The following MAP3K20 variants were observed in gnomAD, a reference collection of about 807,000 sequenced individuals.
The protein encoded by MAP3K20 is mitogen-activated protein kinase kinase kinase 20.
In MAP3K20, 40 loss-of-function variants were observed where a neutral mutation model predicts 85.7. That is an observed-to-expected ratio of 0.47 (90% CI 0.36 to 0.61). The LOEUF is 0.61. MAP3K20 is among the 20% of genes least tolerant of loss of function. The pLI is 0.00. For missense variants in MAP3K20, 817 were observed against 961.7 expected (o/e 0.85, Z 1.99); for synonymous variants, 325 against 327.7 (o/e 0.99, Z 0.09).
intron 16 of MAP3K20, among the ~76,000 whole-genome samples, chr2:173,246,153 A>G (rs911657833): frequency 6.6e-6 from 1 of 152,178 alleles, no homozygotes; most frequent in African/African-American, 2.4e-5. Context: ...CCTCTTCATG[A>G]GGAAACTGAG....
rs530454211 is a variant in MAP3K20, at chr2:173,253,815, C to G, written c.1360-4884C>G. On this transcript the variant is annotated intron_variant, in intron 16 of 19. Coordinates refer to ENST00000375213, the MANE Select transcript of MAP3K20 (RefSeq NM_016653.3). Reference sequence around the variant, plus strand: ...AGGTGCAGTTGCTCATGCCTATAATCCCAGCAATTTGTGAGGCTGAGGCAG... The same window carrying G: ...AGGTGCAGTTGCTCATGCCTATAATGCCAGCAATTTGTGAGGCTGAGGCAG... Among the ~76,000 whole-genome samples, 17 of 152,268 alleles carry G rather than the reference C, an allele frequency of 1.1e-4. No homozygotes were observed. In the South Asian group the frequency reaches 3.5e-3, roughly 32 times the overall value.
At chr2:173,257,035 G>A (rs993390525) in intron 16 of MAP3K20, among the ~76,000 whole-genome samples, 59 of 150,962 alleles carry the variant, frequency 3.9e-4, no homozygotes, top group African/African-American at 1.4e-3. Context: ...ATGATGGCAC[G>A]TGCTTGTGGT....
At chr2:173,157,583 A>G (rs1385251476) in intron 2 of MAP3K20, among the ~76,000 whole-genome samples, 1 of 152,216 alleles carries the variant, frequency 6.6e-6, no homozygotes, top group Non-Finnish European at 1.5e-5. Context: ...CATTTCTCTT[A>G]TGGGATGTAA....
At chr2:173,094,129 TA>T (rs1268383160) in intron 2 of MAP3K20, among the ~76,000 whole-genome samples, 1 of 152,208 alleles carries the variant, frequency 6.6e-6, no homozygotes, top group African/African-American at 2.4e-5. Flanking sequence ...CCCTAAAACT[TA>T]AAGTATAATA....
chr2:173,084,143 A>G (rs1161299529), intron 1 of MAP3K20, among the ~76,000 whole-genome samples: 1 of 152,158 alleles, frequency 6.6e-6, no homozygotes, highest in East Asian at 1.9e-4. Context: ...AGCTGAGCTC[A>G]AGTGATCCTC....
intron 11 of MAP3K20, chr2:173,226,927 A>C: frequency 1.0e-6 from 1 of 985,212 alleles, no homozygotes. Flanking sequence ...TCCTATGCCA[A>C]ATATCTTGTA....
At chr2:173,262,020 GAAAA>G (rs34274087) in intron 18 of MAP3K20, among the ~76,000 whole-genome samples, 6 of 138,924 alleles carry the variant, frequency 4.3e-5, no homozygotes, top group African/African-American at 1.6e-4. Flanking sequence ...CCTGTCTCCA[GAAAA>G]AAAAAAAAAT....
chr2:173,258,677 G>A, intron 16 of MAP3K20, 22 bp from the exon 17 acceptor site: 1 of 1,444,326 alleles, frequency 6.9e-7, no homozygotes, highest in Non-Finnish European at 9.6e-7. Context: ...CTCAAATTCT[G>A]TAATTTTGTT....
At chr2:173,181,195 T>C (rs1335690536) in intron 3 of MAP3K20, among the ~76,000 whole-genome samples, 2 of 152,168 alleles carry the variant, frequency 1.3e-5, no homozygotes, top group Non-Finnish European at 2.9e-5. Context: ...ACTAGTGTTA[T>C]ACCCGCTACA....
At chr2:173,139,093 C>A (rs1243901556) in intron 2 of MAP3K20, among the ~76,000 whole-genome samples, 3 of 152,086 alleles carry the variant, frequency 2.0e-5, no homozygotes, top group Non-Finnish European at 4.4e-5. Context: ...CAGTGCTTTG[C>A]CATTTGTAAA....
intron 2 of MAP3K20, among the ~76,000 whole-genome samples, chr2:173,144,197 C>T (rs568409509): frequency 3.0e-4 from 46 of 151,842 alleles, no homozygotes; most frequent in South Asian, 8.3e-4. Context: ...GGTGTGGTGG[C>T]TCACGCCTGT....
chr2:173,251,625 C>T (rs1574158623), intron 16 of MAP3K20, among the ~76,000 whole-genome samples: 1 of 152,318 alleles, frequency 6.6e-6, no homozygotes, highest in East Asian at 1.9e-4. Context: ...GAAGCTGGAA[C>T]AGTGTCCTGG....
chr2:173,139,048 C>G (rs954139085), intron 2 of MAP3K20, among the ~76,000 whole-genome samples: 1 of 152,180 alleles, frequency 6.6e-6, no homozygotes, highest in Non-Finnish European at 1.5e-5. Context: ...AACGTTTGAA[C>G]TTGGTATCCT....
intron 1 of MAP3K20, chr2:173,090,708 C>T: frequency 4.9e-6 from 5 of 1,028,296 alleles, no homozygotes; most frequent in Non-Finnish European, 5.8e-6. Context: ...GGCAGAGCTC[C>T]TTGGGATGAG....
At position 173,239,580 on chromosome 2, in the gene MAP3K20, C is replaced by T. The variant is rs559660032; in HGVS notation, c.1359+84C>T. On this transcript the variant is annotated intron_variant, in intron 16 of 19. Coordinates refer to ENST00000375213, the MANE Select transcript of MAP3K20 (RefSeq NM_016653.3). ...CTGTAACTCCATGGTTTTATACACCCCCTACCAGCTGGTAACTGGATTTTG... is the reference window on the plus strand; with the variant it reads ...CTGTAACTCCATGGTTTTATACACCTCCTACCAGCTGGTAACTGGATTTTG... The T allele has an allele frequency of 5.5e-5, 65 of 1,184,882 alleles. No homozygotes were observed. In the South Asian group the frequency reaches 9.8e-4, roughly 18 times the overall value. 73.4% of individuals were successfully genotyped at this position (1,184,882 alleles called of 1,614,324 possible). A position where few individuals can be genotyped will look rare whatever the true frequency, so the allele number is the denominator to read the frequency against.
intron 19 of MAP3K20, 81 bp downstream of exon 19, chr2:173,263,976 G>C: frequency 6.6e-7 from 1 of 1,513,028 alleles, no homozygotes; most frequent in Non-Finnish European, 8.8e-7. Context: ...TAAAGACTCA[G>C]AGGATACCAC....
At chr2:173,111,428 T>G (rs1687971636) in intron 2 of MAP3K20, among the ~76,000 whole-genome samples, 1 of 151,890 alleles carries the variant, frequency 6.6e-6, no homozygotes, top group Non-Finnish European at 1.5e-5. Context: ...TTTAGTTTAA[T>G]TAAGTCCCAA....
intron 2 of MAP3K20, among the ~76,000 whole-genome samples, chr2:173,109,695 A>T (rs1447685575): frequency 6.6e-6 from 1 of 152,132 alleles, no homozygotes; most frequent in African/African-American, 2.4e-5. Flanking sequence ...AAGAGAGTGT[A>T]TGGTGACCTT....
chr2:173,141,576 A>G (rs35109796), intron 2 of MAP3K20, among the ~76,000 whole-genome samples: 65,846 of 151,986 alleles, frequency 0.43, 16,571 homozygotes, highest in South Asian at 0.64. Context: ...ACATGAGACA[A>G]TGTCAATCTA....
Sources: allele counts gnomAD v4.1 joint callset (sites outside exome capture counted in the v4.1 genomes callset), GRCh38; gene constraint gnomAD v4.1.1; transcripts MANE v1.5; gene names NCBI Gene and HGNC (gene_info 2026-07-23, HGNC 2026-07-21).